ZNF358: variants seen among roughly 807,000 people sequenced by gnomAD.
ZNF358 encodes zinc finger protein 358.
Under a neutral mutation model 2.1 loss-of-function variants are expected in ZNF358, and 1 was observed. That is an observed-to-expected ratio of 0.49 (90% CI 0.17 to 2.30). The LOEUF (loss-of-function observed/expected upper bound fraction) is 2.30, where lower values mean the gene tolerates loss of function less well. ZNF358 is among the 30% of genes most tolerant of loss of function. ZNF358 has a pLI of 0.26. For synonymous variants in ZNF358, 381 were observed against 359.7 expected (o/e 1.06, Z -0.67); for missense variants, 665 against 806.8 (o/e 0.82, Z 2.13).
chr19:7,517,244 T>A (rs569967088), intron 1 of ZNF358, among the ~76,000 whole-genome samples: 16 of 152,168 alleles, frequency 1.1e-4, no homozygotes, highest in Middle Eastern at 3.4e-3. Flanking sequence ...AGCCACAAGC[T>A]GGCAATTCAG....
intron 1 of ZNF358, among the ~76,000 whole-genome samples, chr19:7,518,068 A>G (rs1289976387): frequency 1.3e-5 from 2 of 152,188 alleles, no homozygotes; most frequent in Non-Finnish European, 2.9e-5. Context: ...GGAAGCTAGG[A>G]CTGTCTCCTC....
At chr19:7,515,495 A>C (rs962186247), upstream of ZNF358, 2 of 152,398 alleles carry the variant, frequency 1.3e-5, no homozygotes, top group Admixed American at 1.3e-4. Context: ...TTCACCATGC[A>C]AAAAGGAAAA....
At chr19:7,515,864 GAGAA>G (rs1273810046), upstream of ZNF358, among the ~76,000 whole-genome samples, 6 of 152,106 alleles carry the variant, frequency 3.9e-5, no homozygotes, top group African/African-American at 1.4e-4. Flanking sequence ...CAGGGATGGA[GAGAA>G]AGAGATAGGG....
chr19:7,518,704 A>G (rs1040691108), intron 1 of ZNF358, among the ~76,000 whole-genome samples: 3 of 152,210 alleles, frequency 2.0e-5, no homozygotes, highest in Middle Eastern at 3.4e-3. Context: ...GCAGTGAGCT[A>G]TGTATGATCA....
At position 7,520,785 on chromosome 19, in the gene ZNF358, G is replaced by A. The variant is rs754789305; in HGVS notation, c.1543G>A (p.Val515Met). 4 of 1,611,738 alleles carry A rather than the reference G, an allele frequency of 2.5e-6. No individual in the cohort carries two copies. Among genetic ancestry groups the A allele is most frequent in the Non-Finnish European group, 3.4e-6 (4 of 1,180,002 alleles). Reference sequence around the variant, plus strand: ...TGTGCCCAGCCCAGACCTTGATCCTGTGCCCAGCCCAGACCCTGATCCTGT... The same window carrying A: ...TGTGCCCAGCCCAGACCTTGATCCTATGCCCAGCCCAGACCCTGATCCTGT... ...DLVPSPDLDP[V>M]PSPDPDPVPS... The change falls in exon 2 of 2, where the codon GTG (valine) becomes ATG (methionine). Residue 515 changes from valine to methionine, a missense_variant. Physicochemically the swap from Val to Met is conservative, Grantham distance 21. Around this residue, in one of 3 missense-constraint regions of ZNF358, gnomAD observed 249 missense variants for 227.6 expected, o/e 1.09. Coordinates refer to ENST00000597229, the MANE Select transcript of ZNF358 (RefSeq NM_018083.5). The surrounding 1 kb of genome is among the most constrained non-coding windows in gnomAD (Gnocchi z 6.0).
At position 7,520,442 on chromosome 19, in the gene ZNF358, AGCCGCTGCTGCAGCT is replaced by A. The variant is rs1568395473; in HGVS notation, c.1206_1220del (p.Ala412_Ala416del). The A allele has an allele frequency of 7.6e-6, 11 of 1,444,842 alleles. No individual in the cohort carries two copies. In the South Asian group the frequency reaches 1.0e-4, roughly 14 times the overall value. 89.5% of individuals were successfully genotyped at this position (1,444,842 alleles called of 1,614,324 possible). A position where few individuals can be genotyped will look rare whatever the true frequency, so the allele number is the denominator to read the frequency against. Reference sequence around the variant, plus strand: ...AGCACAAACGGGTGCATGAGGGTGCAGCCGCTGCTGCAGCTGCCGCGGCCGCTGCAGCTGCAGCAG... The same window carrying A: ...AGCACAAACGGGTGCATGAGGGTGCAGCCGCGGCCGCTGCAGCTGCAGCAG... On this transcript the variant is annotated inframe_deletion, in exon 2 of 2. Coordinates refer to ENST00000597229, the MANE Select transcript of ZNF358 (RefSeq NM_018083.5). This position sits in a 1 kb window ranked among gnomAD's most constrained non-coding sequence, Gnocchi z 6.0.
upstream of ZNF358, among the ~76,000 whole-genome samples, chr19:7,515,850 G>A (rs80297296): frequency 0.1 from 15,563 of 152,122 alleles, 960 homozygotes; most frequent in African/African-American, 0.16. Context: ...GACAGAGAGA[G>A]GGACAGGGAT....
chr19:7,516,635 G>A lies in ZNF358; in HGVS notation c.-39+386G>A, dbSNP rs1208610920. ...TGTTCCCACCTCCCGCCTGGGGTCT[G>A]GAGTTCAGGAGGCCCTGTCCTCAAA... is the stretch of plus-strand genomic sequence containing the variant. On this transcript the variant is annotated intron_variant, in intron 1 of 1. Transcript: ENST00000597229. The surrounding 1 kb of genome is among the most constrained non-coding windows in gnomAD (Gnocchi z 5.9). 1.3e-5 allele frequency among the ~76,000 whole-genome samples: 2 copies of A among 151,976 alleles called. No individual in the cohort carries two copies. The highest frequency in any genetic ancestry group is 3.9e-4 in the East Asian group (2 of 5,156).
In ZNF358 at chr19:7,520,890, A is replaced by G. The variant is rs1242018928; in HGVS notation, c.1648A>G (p.Thr550Ala). 2 of 1,613,710 alleles carry G rather than the reference A, an allele frequency of 1.2e-6. No individual in the cohort carries two copies. The highest frequency in any genetic ancestry group is 1.7e-5 in the Admixed American group (1 of 60,002). The change falls in exon 2 of 2, where the codon ACC becomes GCC. Residue 550 changes from threonine to alanine, a missense_variant. Thr to Ala is a moderately conservative substitution (Grantham distance 58). Around this residue, in one of 3 missense-constraint regions of ZNF358, gnomAD observed 249 missense variants for 227.6 expected, o/e 1.09. Transcript: ENST00000597229. The surrounding 1 kb of genome is among the most constrained non-coding windows in gnomAD (Gnocchi z 6.0). ...TRGTVSPALP[T>A]GESPEWVQEQ... ...TGGCACTGTCAGCCCAGCCCTCCCTACCGGCGAGAGTCCAGAGTGGGTACA... is the reference window on the plus strand; with the variant it reads ...TGGCACTGTCAGCCCAGCCCTCCCTGCCGGCGAGAGTCCAGAGTGGGTACA...
At chr19:7,518,075 C>G (rs2022369961) in intron 1 of ZNF358, among the ~76,000 whole-genome samples, 2 of 152,214 alleles carry the variant, frequency 1.3e-5, no homozygotes, top group Admixed American at 1.3e-4. Context: ...AGGACTGTCT[C>G]CTCCACAGGA....
chr19:7,514,711 C>T (rs988314106), upstream of ZNF358, among the ~76,000 whole-genome samples: 16 of 152,244 alleles, frequency 1.1e-4, no homozygotes, highest in Non-Finnish European at 1.9e-4. Flanking sequence ...CGGCTCACTG[C>T]AACCTCCACC....
upstream of ZNF358, chr19:7,515,997 C>CG (rs2022331342): frequency 6.6e-6 from 1 of 151,096 alleles, no homozygotes; most frequent in Admixed American, 6.6e-5. Flanking sequence ...GTGGCCTGGC[C>CG]GGGGACAAAG....
rs1402862111 is a variant in ZNF358, at chr19:7,520,754, C to T, written c.1512C>T (p.Pro504=). 2 of 1,614,068 alleles carry T rather than the reference C, an allele frequency of 1.2e-6. No individual in the cohort carries two copies. The highest frequency in any genetic ancestry group is 1.7e-5 in the Admixed American group (1 of 60,024). ...SDPKAGHDAG[P]DLVPSPDLDP... The stretch of plus-strand genomic sequence containing the variant: ...CAAAGGCTGGGCACGACGCTGGTCC[C>T]GACCTTGTGCCCAGCCCAGACCTTG... Residue 504 remains proline, a synonymous_variant, in exon 2 of 2, where the codon CCC becomes CCT. Coordinates refer to ENST00000597229, the MANE Select transcript of ZNF358 (RefSeq NM_018083.5). The surrounding 1 kb of genome is among the most constrained non-coding windows in gnomAD (Gnocchi z 6.0).
At chr19:7,516,060 G>C (rs2146006640), upstream of ZNF358, 1 of 144,372 alleles carries the variant, frequency 6.9e-6, no homozygotes, top group African/African-American at 2.6e-5. The surrounding 1 kb of genome is among the most constrained non-coding windows in gnomAD (Gnocchi z 5.9). Flanking sequence ...GGGCGCGGGC[G>C]AACTACAAGT....
chr19:7,514,952 G>T (rs2022316398), upstream of ZNF358, among the ~76,000 whole-genome samples: 1 of 152,134 alleles, frequency 6.6e-6, no homozygotes, highest in Non-Finnish European at 1.5e-5. Context: ...GTTTTACAGA[G>T]AATTACTAGG....
rs759005380 is a variant in ZNF358 at position 7,520,505 on chromosome 19, G to GCGC, written c.1264_1265insGCC (p.Gly421_Pro422insArg). On this transcript the variant is annotated inframe_insertion, in exon 2 of 2. Transcript: ENST00000597229. The surrounding 1 kb of genome is among the most constrained non-coding windows in gnomAD (Gnocchi z 6.0). ...CAGCGGCCGCCGGCCTGGGCCTCGG[G>GCGC]CCTGGCCTAAGCCCTGCATCCATGA... 4.6e-6 allele frequency: 6 copies of GCGC among 1,295,760 alleles called. No individual in the cohort carries two copies. The highest frequency in any genetic ancestry group is 6.5e-6 in the Non-Finnish European group (6 of 919,172). The allele number at this position is 1,295,760 out of a possible 1,614,324, so 80.3% of individuals were successfully genotyped here.
Position 7,519,650 on chromosome 19 carries a change from C to T in ZNF358, c.408C>T (p.Thr136=), listed in dbSNP as rs767130504. The change falls in exon 2 of 2, where the codon ACC becomes ACT. Residue 136 remains threonine (T), a synonymous_variant. Transcript: ENST00000597229. ...CTGCCACCCCCCAGGTCTTGGCCAC[C>T]AGCCCCGCGGTGCTCCCCGCCCCCG... ...GLTATPQVLA[T]SPAVLPAPAS... is the part of the protein sequence containing the mutation. 1.9e-6 allele frequency: 3 copies of T among 1,587,472 alleles called. No homozygotes were observed. Among genetic ancestry groups the T allele is most frequent in the Non-Finnish European group, 2.6e-6 (3 of 1,173,668 alleles).
chr19:7,514,247 T>C (rs2022307554), upstream of ZNF358, among the ~76,000 whole-genome samples: 1 of 152,192 alleles, frequency 6.6e-6, no homozygotes, highest in African/African-American at 2.4e-5. Flanking sequence ...GCCCTTTGAT[T>C]AGAGTCCAGC....
Position 7,517,938 on chromosome 19 carries a change from G to A in ZNF358, c.-38-1267G>A, listed in dbSNP as rs565890620. Among the ~76,000 whole-genome samples the A allele has an allele frequency of 5.3e-5, 8 of 152,260 alleles. No homozygotes were observed. In the East Asian group the frequency reaches 9.7e-4, roughly 18 times the overall value. ...GAGGGGGGCCTCCCTACCAGAACTC[G>A]CCCCCTAAATTAATCTGCCGCCTCC... On this transcript the variant is annotated intron_variant, in intron 1 of 1. Coordinates refer to ENST00000597229, the MANE Select transcript of ZNF358 (RefSeq NM_018083.5).
Sources: gnomAD v4.1 joint callset for allele counts (sites outside exome capture counted in the v4.1 genomes callset) on GRCh38, gnomAD v4.1.1 for gene constraint, gnomAD v4.1.1 regional missense constraint, Gnocchi (gnomAD v3.1) non-coding constraint, MANE v1.5 for transcripts, NCBI Gene and HGNC (gene_info 2026-07-23, HGNC 2026-07-21) for gene names.